BMPR2: variants seen among roughly 807,000 people sequenced by gnomAD.
BMPR2 encodes the protein bone morphogenetic protein receptor type-2.
In BMPR2, 29 loss-of-function variants were observed where a neutral mutation model predicts 100.8. The observed-to-expected ratio is 0.29, with a 90% CI of 0.21 to 0.39. BMPR2 has a LOEUF of 0.39. Among genes scored for constraint, BMPR2 ranks in the 10% least tolerant of loss-of-function variants. The pLI is 1.00. For missense variants in BMPR2, 1,011 were observed against 1,274.5 expected (o/e 0.79, Z 3.15); for synonymous variants, 382 against 442.3 (o/e 0.86, Z 1.71).
chr2:202,515,217 T>C (rs951576422), intron 5 of BMPR2, among the ~76,000 whole-genome samples: 1 of 151,988 alleles, frequency 6.6e-6, no homozygotes, highest in Non-Finnish European at 1.5e-5. Context: ...TAATTGCAAG[T>C]AGTAGTAAGT....
At position 202,501,076 on chromosome 2, in the gene BMPR2, G is replaced by A. The variant is rs999011174; in HGVS notation, c.419-12643G>A. ...CTACCAGTTCGGAAGCCTCGTGCCA[G>A]CAGGCTACTCTAGATCTCTTGAACT... On this transcript the variant is annotated intron_variant, in intron 3 of 12. Transcript: ENST00000374580. Among the ~76,000 whole-genome samples, 3 of 152,316 alleles carry A rather than the reference G, an allele frequency of 2.0e-5. No individual in the cohort carries two copies. The South Asian group carries it at 6.2e-4, about 32-fold the overall frequency.
intron 1 of BMPR2, among the ~76,000 whole-genome samples, chr2:202,433,362 C>A (rs982766835): frequency 1.3e-5 from 2 of 150,362 alleles, no homozygotes; most frequent in Non-Finnish European, 2.9e-5. Flanking sequence ...GCATGTTTTT[C>A]AAAAATTTTT....
intron 1 of BMPR2, among the ~76,000 whole-genome samples, chr2:202,405,072 C>G (rs375990715): frequency 6.6e-6 from 1 of 152,176 alleles, no homozygotes; most frequent in Non-Finnish European, 1.5e-5. Context: ...ATCCTCCCAT[C>G]TCAGCCTCCC....
At chr2:202,547,511 G>A (rs1045575506) in intron 10 of BMPR2, among the ~76,000 whole-genome samples, 3 of 152,110 alleles carry the variant, frequency 2.0e-5, no homozygotes, top group African/African-American at 4.8e-5. Flanking sequence ...AGCCAGGCAC[G>A]GTGGCTCACG....
rs775185771 is a variant in BMPR2, at chr2:202,567,052, T to C, written c.*7106T>C. The C allele has an allele frequency of 2.6e-5, 4 of 152,246 alleles. No homozygotes were observed. Among genetic ancestry groups the C allele is most frequent in the Non-Finnish European group, 5.9e-5 (4 of 68,038 alleles). 9.4% of individuals were successfully genotyped at this position (152,246 alleles called of 1,614,324 possible). A position where few individuals can be genotyped will look rare whatever the true frequency, so the allele number is the denominator to read the frequency against. On this transcript the variant is annotated 3_prime_UTR_variant, in exon 13 of 13. Transcript: ENST00000374580. ...CCACATTTATTTATTTAAGCAATTT[T>C]TGTATGCCTTGTTATTTCATTTCCA... is the stretch of plus-strand genomic sequence containing the variant.
At chr2:202,478,041 G>C (rs540917071) in intron 3 of BMPR2, among the ~76,000 whole-genome samples, 6 of 152,148 alleles carry the variant, frequency 3.9e-5, no homozygotes, top group Non-Finnish European at 8.8e-5. Context: ...AAAAATTCAA[G>C]TCACCCAAGG....
chr2:202,473,451 TA>T (rs141525293), intron 3 of BMPR2, among the ~76,000 whole-genome samples: 1 of 148,854 alleles, frequency 6.7e-6, no homozygotes, highest in Non-Finnish European at 1.5e-5. Context: ...GAACCTGTCT[TA>T]AAAAAAAATG....
chr2:202,423,699 AG>A (rs1006021899), intron 1 of BMPR2, among the ~76,000 whole-genome samples: 1 of 152,114 alleles, frequency 6.6e-6, no homozygotes, highest in Non-Finnish European at 1.5e-5. Flanking sequence ...GTCTGCAGTG[AG>A]CTATGATGGC....
At chr2:202,388,416 A>AG (rs1274881539) in intron 1 of BMPR2, among the ~76,000 whole-genome samples, 4 of 150,574 alleles carry the variant, frequency 2.7e-5, no homozygotes, top group African/African-American at 9.7e-5. Flanking sequence ...AAAAAAAAAA[A>AG]AAAACATTGT....
chr2:202,416,760 T>C (rs1691136599), intron 1 of BMPR2, among the ~76,000 whole-genome samples: 2 of 152,072 alleles, frequency 1.3e-5, no homozygotes, highest in Non-Finnish European at 1.5e-5. Flanking sequence ...AAGAAAGTTG[T>C]TTCTTGAGGT....
intron 3 of BMPR2, among the ~76,000 whole-genome samples, chr2:202,479,211 T>A (rs1183539189): frequency 6.6e-6 from 1 of 152,224 alleles, no homozygotes; most frequent in Non-Finnish European, 1.5e-5. Context: ...AGAGGGCCAC[T>A]TGACAAAGAA....
At position 202,414,284 on chromosome 2, in the gene BMPR2, C is replaced by G. The variant is rs572141554; in HGVS notation, c.76+36734C>G. Among the ~76,000 whole-genome samples the G allele has an allele frequency of 1.9e-3, 286 of 152,286 alleles. 1 individual carries two copies. Among genetic ancestry groups the G allele is most frequent in the African/African-American group, 6.4e-3 (268 of 41,568 alleles). On this transcript the variant is annotated intron_variant, in intron 1 of 12. Transcript: ENST00000374580. ...CAGGAACCACACCCATATAAAATGG[C>G]AAACTTAATAAATGTTTGTGTTCTG...
At chr2:202,406,291 C>G (rs1271002655) in intron 1 of BMPR2, among the ~76,000 whole-genome samples, 2 of 152,200 alleles carry the variant, frequency 1.3e-5, no homozygotes, top group Non-Finnish European at 2.9e-5. Context: ...GTTGTAGCCC[C>G]TTGGGGCTGT....
chr2:202,509,486 A>G (rs979244392), intron 3 of BMPR2, among the ~76,000 whole-genome samples: 1 of 151,954 alleles, frequency 6.6e-6, no homozygotes, highest in Non-Finnish European at 1.5e-5. Context: ...AAGCTTGATA[A>G]AATACACATT....
intron 9 of BMPR2, among the ~76,000 whole-genome samples, chr2:202,540,863 A>G (rs1341334562): frequency 2.0e-5 from 3 of 152,048 alleles, no homozygotes; most frequent in Admixed American, 6.6e-5. Context: ...CTTCTAATTT[A>G]TCTTGTCATT....
intron 1 of BMPR2, among the ~76,000 whole-genome samples, chr2:202,436,031 T>C (rs1691607628): frequency 1.3e-5 from 2 of 150,790 alleles, no homozygotes; most frequent in Admixed American, 6.6e-5. Context: ...TAGTTTTATG[T>C]TTACCTTTGC....
intron 3 of BMPR2, among the ~76,000 whole-genome samples, chr2:202,470,298 T>C (rs1033982501): frequency 2.6e-5 from 4 of 151,330 alleles, no homozygotes; most frequent in Non-Finnish European, 4.4e-5. Flanking sequence ...GCCGAGATCA[T>C]GCCATTGCAC....
chr2:202,386,684 CTT>C (rs796610288), intron 1 of BMPR2, among the ~76,000 whole-genome samples: 13 of 144,284 alleles, frequency 9.0e-5, no homozygotes, highest in Non-Finnish European at 6.1e-5. Context: ...CTTTTCTTTT[CTT>C]TTTTTTTTTT....
chr2:202,396,157 G>T (rs1447278751), intron 1 of BMPR2, among the ~76,000 whole-genome samples: 4 of 152,086 alleles, frequency 2.6e-5, no homozygotes, highest in Non-Finnish European at 5.9e-5. Flanking sequence ...AAAAGGAAGG[G>T]AAAAATCGGT....
Sources: allele counts gnomAD v4.1 joint callset (sites outside exome capture counted in the v4.1 genomes callset), GRCh38; gene constraint gnomAD v4.1.1; transcripts MANE v1.5; gene names NCBI Gene and HGNC (gene_info 2026-07-23, HGNC 2026-07-21).